The following BIN3 variants were observed in gnomAD, a reference collection of about 807,000 sequenced individuals.
BIN3 encodes the protein bridging integrator 3.
In BIN3, 41 loss-of-function variants were observed where a neutral mutation model predicts 38.2. The ratio of observed to expected loss-of-function variants is 1.07; its 90% CI spans 0.84 to 1.39. The LOEUF is 1.39. Ranked by LOEUF, BIN3 falls within the 40% of genes most tolerant of loss-of-function variation. BIN3 has a pLI of 0.00. For missense variants in BIN3, 361 were observed against 324.3 expected (o/e 1.11, Z -0.87); for synonymous variants, 145 against 122.6 (o/e 1.18, Z -1.21).
At chr8:22,628,140 C>T (rs1802064455) in intron 6 of BIN3, among the ~76,000 whole-genome samples, 1 of 152,228 alleles carries the variant, frequency 6.6e-6, no homozygotes, top group Admixed American at 6.5e-5. Flanking sequence ...CCTGCCATGC[C>T]TTGGTCTGTG....
chr8:22,629,845 C>G, intron 6 of BIN3, 119 bp downstream of exon 6: 1 of 1,011,066 alleles, frequency 9.9e-7, no homozygotes, highest in Non-Finnish European at 1.5e-6. Flanking sequence ...CACTGAGTTT[C>G]CCGTCAGGCC....
chr8:22,638,315 TGAG>T (rs1802436034), intron 2 of BIN3, among the ~76,000 whole-genome samples: 1 of 152,174 alleles, frequency 6.6e-6, no homozygotes, highest in Non-Finnish European at 1.5e-5. Context: ...ATGCTACAAA[TGAG>T]GAGCCCGAAG....
chr8:22,666,637 G>A (rs1037371180), intron 1 of BIN3, among the ~76,000 whole-genome samples: 1 of 152,188 alleles, frequency 6.6e-6, no homozygotes. Flanking sequence ...CGGGTTGCCT[G>A]CACAGAGGAA....
Position 22,630,514 on chromosome 8 carries a change from G to A in BIN3, c.225C>T (p.Asp75=), listed in dbSNP as rs542000407. The A allele has an allele frequency of 2.0e-4, 325 of 1,614,026 alleles. 5 individuals carry two copies. The South Asian group carries it at 2.8e-3, about 14-fold the overall frequency. ...CCGTCACCATGTTCAGAAGGTCCTG[G>A]TCTTGCTCACAGAGGGGATTGGAGA... ...DLLSNPLCEQ[D]QDLLNMVTAL... The change falls in exon 5 of 9, where the codon GAC becomes GAT. Residue 75 remains aspartate, a synonymous_variant. Coordinates refer to ENST00000276416, the MANE Select transcript of BIN3 (RefSeq NM_018688.6).
At chr8:22,634,748 C>T (rs1414727226) in intron 4 of BIN3, among the ~76,000 whole-genome samples, 1 of 152,066 alleles carries the variant, frequency 6.6e-6, no homozygotes, top group Non-Finnish European at 1.5e-5. Context: ...GCAACGGTTC[C>T]GGAGTGGGGG....
intron 1 of BIN3, among the ~76,000 whole-genome samples, chr8:22,652,595 C>A (rs975130489): frequency 6.6e-6 from 1 of 152,250 alleles, no homozygotes; most frequent in Admixed American, 6.5e-5. Flanking sequence ...TTCACTAGGG[C>A]AGTCCCACCC....
At chr8:22,652,491 G>T (rs1463979030) in intron 1 of BIN3, among the ~76,000 whole-genome samples, 2 of 152,166 alleles carry the variant, frequency 1.3e-5, no homozygotes, top group African/African-American at 4.8e-5. Context: ...GTGCATGTAT[G>T]TGTACACATG....
chr8:22,661,358 T>TTTTTTC, intron 1 of BIN3, among the ~76,000 whole-genome samples: 1 of 127,264 alleles, frequency 7.9e-6, no homozygotes, highest in African/African-American at 3.1e-5. Flanking sequence ...CATTCTTTTT[T>TTTTTTC]TTTTTTTTTT....
At chr8:22,659,636 C>A (rs768517697) in intron 1 of BIN3, among the ~76,000 whole-genome samples, 38 of 152,352 alleles carry the variant, frequency 2.5e-4, no homozygotes, top group Non-Finnish European at 5.0e-4. Flanking sequence ...TCCACTCCTG[C>A]ACTTCACAGG....
At chr8:22,627,356 CCCTTTG>C (rs1269411847) in intron 6 of BIN3, among the ~76,000 whole-genome samples, 1 of 151,448 alleles carries the variant, frequency 6.6e-6, no homozygotes, top group East Asian at 1.9e-4. Context: ...CACTCACTGA[CCCTTTG>C]AGGCCCCATC....
At chr8:22,623,760 G>A (rs1801917377) in intron 8 of BIN3, among the ~76,000 whole-genome samples, 155 bp downstream of exon 8, 1 of 152,224 alleles carries the variant, frequency 6.6e-6, no homozygotes. Context: ...CTGAGCCTGG[G>A]ACTCTGGTAA....
chr8:22,641,948 A>C (rs1802577113), intron 2 of BIN3, among the ~76,000 whole-genome samples: 1 of 152,080 alleles, frequency 6.6e-6, no homozygotes, highest in Non-Finnish European at 1.5e-5. Flanking sequence ...GAAGGTTAGG[A>C]TCGGGATCGG....
chr8:22,623,956 C>T lies in BIN3; in HGVS notation c.574G>A (p.Asp192Asn), dbSNP rs201431458. ...GACTCAAAGCTGGGCTGGAAGTAGTCGAGGCGGCTGCCGTAGAAGCGCGGC... is the reference window on the plus strand; with the variant it reads ...GACTCAAAGCTGGGCTGGAAGTAGTTGAGGCGGCTGCCGTAGAAGCGCGGC... Reference protein sequence around the residue: ...EMPRFYGSRLDYFQPSFESLI... With the variant: ...EMPRFYGSRLNYFQPSFESLI... The change falls in exon 8 of 9, where the codon GAC becomes AAC. Residue 192 changes from aspartate (D) to asparagine (N), a missense_variant. Asp to Asn is a conservative substitution (Grantham distance 23, BLOSUM62 1). Coordinates refer to ENST00000276416, the MANE Select transcript of BIN3 (RefSeq NM_018688.6). The T allele has an allele frequency of 3.0e-4, 486 of 1,611,166 alleles. 1 individual carries two copies. In the African/African-American group the frequency reaches 5.6e-3, roughly 19 times the overall value.
In BIN3 at chr8:22,629,903, A is replaced by G. The variant is rs577841706; in HGVS notation, c.338+61T>C. ...AGCTAGAAATCCTCTTCAGTCCCCA[A>G]GTGGCTGCTGACCTGCCTCTCCCAT... On this transcript the variant is annotated intron_variant, in intron 6 of 8. Transcript: ENST00000276416. 4.7e-5 allele frequency: 69 copies of G among 1,470,454 alleles called. No individual in the cohort carries two copies. In the Admixed American group the frequency reaches 1.0e-3, roughly 21 times the overall value. 91.1% of individuals were successfully genotyped at this position (1,470,454 alleles called of 1,614,324 possible).
chr8:22,632,705 C>CT (rs373810993), intron 4 of BIN3, among the ~76,000 whole-genome samples: 1,381 of 132,134 alleles, frequency 0.01, 40 homozygotes, highest in African/African-American at 0.025. Context: ...TTCCACTTTC[C>CT]TTTTTTTTTT....
At chr8:22,623,856 C>A (rs1585175350) in intron 8 of BIN3, 59 bp downstream of exon 8, 1 of 1,568,112 alleles carries the variant, frequency 6.4e-7, no homozygotes, top group South Asian at 1.2e-5. Flanking sequence ...GTGTGGGTGA[C>A]AGGGAGTGGC....
intron 6 of BIN3, among the ~76,000 whole-genome samples, chr8:22,629,247 G>A (rs995765650): frequency 6.6e-6 from 1 of 152,180 alleles, no homozygotes; most frequent in African/African-American, 2.4e-5. Flanking sequence ...TGGGACCACC[G>A]CAGAAGAGGC....
At chr8:22,637,114 C>T (rs1471086179) in intron 2 of BIN3, among the ~76,000 whole-genome samples, 152 bp from the exon 3 acceptor site, 4 of 152,352 alleles carry the variant, frequency 2.6e-5, no homozygotes, top group Admixed American at 6.5e-5. Context: ...GCTCCTGACA[C>T]GGTATTTCTG....
At chr8:22,643,507 C>A (rs1265359296) in intron 2 of BIN3, among the ~76,000 whole-genome samples, 3 of 152,298 alleles carry the variant, frequency 2.0e-5, no homozygotes, top group Admixed American at 6.5e-5. Context: ...CGGGGTCTCT[C>A]TTTGTTGCCC....
Sources: allele counts gnomAD v4.1 joint callset (sites outside exome capture counted in the v4.1 genomes callset), GRCh38; gene constraint gnomAD v4.1.1; transcripts MANE v1.5; gene names NCBI Gene and HGNC (gene_info 2026-07-23, HGNC 2026-07-21).